Variants in CACNA2D3 observed in about 807,000 individuals in gnomAD.
The protein encoded by CACNA2D3 is calcium voltage-gated channel auxiliary subunit alpha2delta 3, also known as voltage-dependent calcium channel subunit alpha-2/delta-3.
CACNA2D3 carries 60 observed loss-of-function variants against 160.6 expected under a neutral mutation model. That is an observed-to-expected ratio of 0.37 (90% confidence interval 0.30 to 0.46). The LOEUF is 0.46. Among genes scored for constraint, CACNA2D3 ranks in the 20% least tolerant of loss-of-function variants. CACNA2D3 has a pLI of 1.00. For synonymous variants in CACNA2D3, 558 were observed against 492.9 expected, an observed-to-expected ratio of 1.13 and a Z score of -1.75; for missense variants, 1,205 against 1,365.0, an observed-to-expected ratio of 0.88 and a Z score of 1.85.
chr3:54,277,023 G>C (rs893375552), intron 2 of CACNA2D3, among the ~76,000 whole-genome samples: 2 of 152,206 alleles, frequency 1.3e-5, no homozygotes, highest in African/African-American at 4.8e-5. Context: ...TCCTTTTTCA[G>C]ATGCTGTATT....
intron 31 of CACNA2D3, among the ~76,000 whole-genome samples, chr3:54,989,689 A>G (rs964694600): frequency 6.6e-6 from 1 of 152,360 alleles, no homozygotes. Flanking sequence ...CATAGTAAGC[A>G]TAAAGTTCTT....
intron 27 of CACNA2D3, among the ~76,000 whole-genome samples, chr3:54,906,884 A>G (rs188784229): frequency 2.9e-4 from 44 of 152,342 alleles, no homozygotes; most frequent in Admixed American, 5.2e-4. Flanking sequence ...AGTCTACAGC[A>G]GAGTTTGAGA....
In CACNA2D3 at chr3:54,904,728, A is replaced by G. The variant is rs148480850; in HGVS notation, c.2449+4860A>G. 3.3e-3 allele frequency among the ~76,000 whole-genome samples: 502 copies of G among 152,324 alleles called. 7 individuals are homozygous for G. The highest frequency in any genetic ancestry group is 0.011 in the African/African-American group (477 of 41,574). ...GGGAGCGATACTGGATAAATACATG[A>G]TTCAAGGAAGACGGGCTTCATTTTC... On this transcript the variant is annotated intron_variant, in intron 27 of 37. Transcript: ENST00000474759.
intron 27 of CACNA2D3, among the ~76,000 whole-genome samples, chr3:54,920,703 T>C (rs9873721): frequency 0.63 from 94,998 of 151,932 alleles, 29,932 homozygotes; most frequent in East Asian, 0.77. Context: ...GATGGGGCTT[T>C]GAGAAGTAGT....
At chr3:54,630,777 G>T (rs1699219453) in intron 10 of CACNA2D3, among the ~76,000 whole-genome samples, 1 of 152,044 alleles carries the variant, frequency 6.6e-6, no homozygotes. Context: ...TCTTTGTGAG[G>T]GAAGCATTTT....
intron 4 of CACNA2D3, among the ~76,000 whole-genome samples, chr3:54,463,699 T>C (rs1433816687): frequency 6.6e-6 from 1 of 152,202 alleles, no homozygotes; most frequent in African/African-American, 2.4e-5. Context: ...TTTTTAACTT[T>C]TTTGCCTTTG....
chr3:54,478,660 G>GTATGTATATA lies in CACNA2D3; in HGVS notation c.382-24829_382-24828insGTATATATAT, dbSNP rs1553692136. 1.2e-3 allele frequency among the ~76,000 whole-genome samples: 45 copies of GTATGTATATA among 36,376 alleles called. 3 individuals are homozygous for GTATGTATATA. The highest frequency in any genetic ancestry group is 3.1e-3 in the African/African-American group (43 of 13,854). 23.9% of individuals were successfully genotyped at this position (36,376 alleles called of 152,430 possible). ...AAAATATATATATAAATATGTGTGT[G>GTATGTATATA]TATATATATATATATATATTGCTTG... On this transcript the variant is annotated intron_variant, in intron 4 of 37. Transcript: ENST00000474759.
At chr3:54,190,321 G>T (rs2107335327) in intron 2 of CACNA2D3, among the ~76,000 whole-genome samples, 1 of 152,330 alleles carries the variant, frequency 6.6e-6, no homozygotes, top group East Asian at 1.9e-4. Context: ...AATGGCAGGT[G>T]AGGTGAGGTA....
At chr3:54,754,182 A>G (rs1701927060) in intron 12 of CACNA2D3, among the ~76,000 whole-genome samples, 3 of 152,204 alleles carry the variant, frequency 2.0e-5, no homozygotes, top group African/African-American at 2.4e-5. Context: ...GAAGGAAGTA[A>G]TAGGGCTGCC....
At chr3:54,188,076 C>A (rs996859035) in intron 2 of CACNA2D3, among the ~76,000 whole-genome samples, 3 of 152,122 alleles carry the variant, frequency 2.0e-5, no homozygotes, top group Non-Finnish European at 2.9e-5. Flanking sequence ...GGTATGTGCT[C>A]CCCCAACCAG....
At chr3:54,769,986 C>T (rs576935548) in intron 13 of CACNA2D3, among the ~76,000 whole-genome samples, 1 of 152,190 alleles carries the variant, frequency 6.6e-6, no homozygotes. Flanking sequence ...AACCTTTCAC[C>T]CCAACACCCT....
At chr3:54,814,447 G>T (rs558352680) in intron 13 of CACNA2D3, among the ~76,000 whole-genome samples, 1 of 152,312 alleles carries the variant, frequency 6.6e-6, no homozygotes, top group South Asian at 2.1e-4. Context: ...GGCCCTGCAC[G>T]CAAGTCATGA....
At chr3:54,342,163 A>G (rs1029849019) in intron 3 of CACNA2D3, among the ~76,000 whole-genome samples, 1 of 152,226 alleles carries the variant, frequency 6.6e-6, no homozygotes, top group Non-Finnish European at 1.5e-5. Context: ...CTATAGCAGT[A>G]GTATAATATT....
chr3:54,973,599 G>A (rs184465435), intron 29 of CACNA2D3, among the ~76,000 whole-genome samples: 278 of 152,204 alleles, frequency 1.8e-3, no homozygotes, highest in Non-Finnish European at 3.4e-3. Flanking sequence ...TTATGACAGG[G>A]CAACGAGAAG....
At chr3:54,598,251 T>C (rs1368499662) in intron 9 of CACNA2D3, among the ~76,000 whole-genome samples, 1 of 123,528 alleles carries the variant, frequency 8.1e-6, no homozygotes, top group African/African-American at 3.1e-5. Flanking sequence ...GAGGTTGCAG[T>C]GAGCCGAGAT....
chr3:54,661,426 A>G (rs1306341311), intron 11 of CACNA2D3, among the ~76,000 whole-genome samples: 1 of 152,180 alleles, frequency 6.6e-6, no homozygotes, highest in African/African-American at 2.4e-5. Context: ...CAGAACTCCA[A>G]ATGTCTGTGT....
intron 27 of CACNA2D3, among the ~76,000 whole-genome samples, chr3:54,919,278 T>G (rs1457514851): frequency 6.6e-6 from 1 of 152,178 alleles, no homozygotes; most frequent in Non-Finnish European, 1.5e-5. Context: ...CAAGAAAACT[T>G]TTGTACCAGA....
chr3:54,637,894 G>A lies in CACNA2D3; in HGVS notation c.1054-4234G>A, dbSNP rs907929285. 4 of 152,034 alleles carry A rather than the reference G, an allele frequency of 2.6e-5. 1 individual carries two copies. The highest frequency in any genetic ancestry group is 4.8e-5 in the African/African-American group (2 of 41,288). The allele number at this position is 152,034 out of a possible 1,614,324, so 9.4% of individuals were successfully genotyped here. On this transcript the variant is annotated intron_variant, in intron 10 of 37. Transcript: ENST00000474759. ...TGGGACGCGGCTTAGGAGGAATCCC[G>A]GGCTGCGGGCGTTCCTTGGCCCAGT...
chr3:54,514,357 C>CAGTGAACTTTAGGAGA (rs1406512326), intron 5 of CACNA2D3, among the ~76,000 whole-genome samples: 2 of 152,156 alleles, frequency 1.3e-5, no homozygotes, highest in African/African-American at 4.8e-5. Flanking sequence ...AAGTTCACTG[C>CAGTGAACTTTAGGAGA]AGTGTGTTTA....
Sources: gnomAD v4.1 joint callset for allele counts (sites outside exome capture counted in the v4.1 genomes callset) on GRCh38, gnomAD v4.1.1 for gene constraint, MANE v1.5 for transcripts, NCBI Gene and HGNC (gene_info 2026-07-23, HGNC 2026-07-21) for gene names.